The following DLC1 variants were observed in gnomAD, a reference collection of about 807,000 sequenced individuals.
DLC1 encodes the protein DLC1 Rho GTPase activating protein.
In DLC1, 54 loss-of-function variants were observed where a neutral mutation model predicts 140.3. The observed-to-expected ratio is 0.38, with a 90% CI of 0.31 to 0.48. DLC1 has a LOEUF of 0.48. Ranked by LOEUF, DLC1 falls within the 20% of genes least tolerant of loss-of-function variation. The pLI, the probability that DLC1 is intolerant of heterozygous loss-of-function variation, is 0.96. For synonymous variants in DLC1, 986 were observed against 728.1 expected (o/e 1.35, Z -5.70); for missense variants, 2,536 against 1,907.0 (o/e 1.33, Z -6.14).
intron 5 of DLC1, among the ~76,000 whole-genome samples, chr8:13,149,445 T>C (rs1823655002): frequency 6.6e-6 from 1 of 152,198 alleles, no homozygotes; most frequent in Non-Finnish European, 1.5e-5. Context: ...CAACATCTTT[T>C]GTTGCTCCCT....
At chr8:13,487,504 G>A (rs1801024297) in intron 2 of DLC1, among the ~76,000 whole-genome samples, 1 of 151,818 alleles carries the variant, frequency 6.6e-6, no homozygotes, top group Non-Finnish European at 1.5e-5. Flanking sequence ...AAGAGAAGAC[G>A]AACAGCATAG....
At chr8:13,290,586 GA>G (rs1164820362) in intron 5 of DLC1, among the ~76,000 whole-genome samples, 1 of 152,038 alleles carries the variant, frequency 6.6e-6, no homozygotes, top group Non-Finnish European at 1.5e-5. Context: ...TATAGTAGGG[GA>G]AAAATGTCTT....
chr8:13,374,202 G>C (rs980973265), intron 4 of DLC1, among the ~76,000 whole-genome samples: 1 of 152,174 alleles, frequency 6.6e-6, no homozygotes, highest in African/African-American at 2.4e-5. Flanking sequence ...TGTGTAGTTT[G>C]CTATGGATTC....
chr8:13,136,467 A>G (rs1302654966), intron 5 of DLC1, among the ~76,000 whole-genome samples: 1 of 152,144 alleles, frequency 6.6e-6, no homozygotes, highest in Non-Finnish European at 1.5e-5. Flanking sequence ...AATATGGTTA[A>G]CATAATGGCC....
At chr8:13,223,886 A>T (rs565437816) in intron 5 of DLC1, among the ~76,000 whole-genome samples, 11 of 152,346 alleles carry the variant, frequency 7.2e-5, no homozygotes, top group Non-Finnish European at 1.0e-4. Context: ...TACATTACAC[A>T]CTAAAACAGA....
At chr8:13,336,626 G>C (rs1413092920) in intron 4 of DLC1, among the ~76,000 whole-genome samples, 1 of 152,088 alleles carries the variant, frequency 6.6e-6, no homozygotes. Context: ...TCAGAAGATG[G>C]GGTTTGAATA....
chr8:13,202,229 C>T (rs1563160946), intron 5 of DLC1, among the ~76,000 whole-genome samples: 3 of 152,112 alleles, frequency 2.0e-5, no homozygotes, highest in Non-Finnish European at 4.4e-5. Flanking sequence ...CAGGTGTGAG[C>T]CGCTGTGCCA....
At chr8:13,430,998 A>G (rs1397923285) in intron 2 of DLC1, among the ~76,000 whole-genome samples, 3 of 152,200 alleles carry the variant, frequency 2.0e-5, no homozygotes, top group African/African-American at 4.8e-5. Flanking sequence ...AACAAATGAG[A>G]ATAATCTATA....
chr8:13,451,811 C>G (rs1033835532), intron 2 of DLC1, among the ~76,000 whole-genome samples: 14 of 152,138 alleles, frequency 9.2e-5, no homozygotes, highest in African/African-American at 3.4e-4. Context: ...TCATTGTGAA[C>G]AGTGCTGCAA....
chr8:13,376,082 T>G (rs1729175), intron 4 of DLC1, among the ~76,000 whole-genome samples: 101,840 of 152,006 alleles, frequency 0.67, 34,637 homozygotes, highest in East Asian at 0.84. Context: ...AGGAAAACCT[T>G]TTCCCACATC....
intron 5 of DLC1, among the ~76,000 whole-genome samples, chr8:13,231,117 C>G (rs996806744): frequency 6.6e-6 from 1 of 151,960 alleles, no homozygotes; most frequent in Non-Finnish European, 1.5e-5. Context: ...TGGTCTGTTG[C>G]AGGAGTTGCA....
At chr8:13,395,034 CA>C (rs1836965206) in intron 3 of DLC1, among the ~76,000 whole-genome samples, 2 of 117,526 alleles carry the variant, frequency 1.7e-5, no homozygotes, top group African/African-American at 5.5e-5. Context: ...ATCTATCTAT[CA>C]TCTATCTATC....
chr8:13,515,610 C>T, upstream of DLC1: 1 of 152,186 alleles, frequency 6.6e-6, no homozygotes, highest in Non-Finnish European at 1.5e-5. Context: ...TAAAGCCGCT[C>T]ATGGTATCTG....
intron 2 of DLC1, among the ~76,000 whole-genome samples, chr8:13,466,319 C>T (rs933305465): frequency 7.2e-5 from 11 of 152,168 alleles, no homozygotes; most frequent in Admixed American, 3.3e-4. Flanking sequence ...GGGTGCTGCC[C>T]TCTTTCTCTG....
intron 4 of DLC1, among the ~76,000 whole-genome samples, chr8:13,374,975 C>T (rs1835902025): frequency 1.3e-5 from 2 of 151,642 alleles, no homozygotes; most frequent in South Asian, 4.2e-4. Context: ...TGGGAGTTCA[C>T]TCATGATTTG....
At chr8:13,132,882 CG>C in intron 5 of DLC1, 2 of 1,541,824 alleles carry the variant, frequency 1.3e-6, no homozygotes, top group South Asian at 1.2e-5. Flanking sequence ...TTTCTCGCGG[CG>C]GGTCCCCTCC....
At chr8:13,601,373 C>T (rs947788564) in intron 1 of DLC1, among the ~76,000 whole-genome samples, 1 of 151,744 alleles carries the variant, frequency 6.6e-6, no homozygotes, top group East Asian at 1.9e-4. Flanking sequence ...AAGTAGTCTA[C>T]TCATTTAGTC....
At position 13,086,930 on chromosome 8, in the gene DLC1, T is replaced by C. The variant is rs568441171; in HGVS notation, c.4293-467A>G. 3.3e-5 allele frequency among the ~76,000 whole-genome samples: 5 copies of C among 152,186 alleles called. No homozygotes were observed. In the South Asian group the frequency reaches 6.2e-4, roughly 19 times the overall value. ...GTCTCAGCTACTCCGGGGGCTGAGA[T>C]GGTAGGATTGCTTAAGCTGTAATCA... On this transcript the variant is annotated intron_variant, in intron 16 of 17. Transcript: ENST00000276297.
intron 1 of DLC1, chr8:13,557,718 A>T (rs1460231864): frequency 6.6e-6 from 1 of 152,382 alleles, no homozygotes; most frequent in Non-Finnish European, 1.5e-5. Context: ...CTCCCCAGCC[A>T]GGTGGAACTG....
Sources: allele counts gnomAD v4.1 joint callset (sites outside exome capture counted in the v4.1 genomes callset), GRCh38; gene constraint gnomAD v4.1.1; transcripts MANE v1.5; gene names NCBI Gene and HGNC (gene_info 2026-07-23, HGNC 2026-07-21).